Variants in POU1F1 observed in about 807,000 individuals in gnomAD.
The protein encoded by POU1F1 is POU class 1 homeobox 1, also known as pituitary-specific positive transcription factor 1.
POU1F1 carries 23 observed loss-of-function variants against 32.3 expected under a neutral mutation model. The ratio of observed to expected loss-of-function variants is 0.71; its 90% CI spans 0.51 to 1.01. The LOEUF (loss-of-function observed/expected upper bound fraction) is 1.01, where lower values mean the gene tolerates loss of function less well. POU1F1 is among the 50% of genes least tolerant of loss of function. The probability of loss-of-function intolerance (pLI) is 0.00; values close to 1 mark genes in which losing one functional copy is unlikely to be tolerated. For synonymous variants in POU1F1, 120 were observed against 115.6 expected, an observed-to-expected ratio of 1.04 and a Z score of -0.25; for missense variants, 323 against 341.6, an observed-to-expected ratio of 0.95 and a Z score of 0.43.
At chr3:87,268,727 C>A (rs1401460202) in intron 2 of POU1F1, among the ~76,000 whole-genome samples, 3 of 152,066 alleles carry the variant, frequency 2.0e-5, no homozygotes, top group African/African-American at 4.8e-5. Context: ...TATCTTGAGG[C>A]CTGGACAGCA....
At chr3:87,265,458 G>A (rs1706601771) in intron 2 of POU1F1, among the ~76,000 whole-genome samples, 1 of 151,996 alleles carries the variant, frequency 6.6e-6, no homozygotes, top group African/African-American at 2.4e-5. Flanking sequence ...AAGTATAGGT[G>A]AGAGGACAGT....
chr3:87,272,093 C>G (rs1356910838), intron 2 of POU1F1, among the ~76,000 whole-genome samples: 1 of 147,298 alleles, frequency 6.8e-6, no homozygotes, highest in Non-Finnish European at 1.5e-5. Context: ...TTTTTTTTTA[C>G]TGCTTATCTG....
At chr3:87,273,857 T>C (rs1706774481) in intron 1 of POU1F1, among the ~76,000 whole-genome samples, 2 of 152,306 alleles carry the variant, frequency 1.3e-5, no homozygotes, top group South Asian at 4.1e-4. Flanking sequence ...TTGTGTTGCA[T>C]GGTATTATAA....
At position 87,259,764 on chromosome 3, in the gene POU1F1, T is replaced by A; in HGVS notation, c.*130A>T. Reference sequence around the variant, plus strand: ...TTGGTTTCTTTTTTTTAAAAAAAAGTGGAAAAGTAAAGCTTCTGTAAAAGC... The same window carrying A: ...TTGGTTTCTTTTTTTTAAAAAAAAGAGGAAAAGTAAAGCTTCTGTAAAAGC... On this transcript the variant is annotated 3_prime_UTR_variant, in exon 6 of 6. Transcript: ENST00000350375. 4.1e-6 allele frequency: 3 copies of A among 736,510 alleles called. No individual in the cohort carries two copies. The highest frequency in any genetic ancestry group is 4.4e-6 in the Non-Finnish European group (2 of 449,586). The allele number at this position is 736,510 out of a possible 1,614,324, so 45.6% of individuals were successfully genotyped here. A position where few individuals can be genotyped will look rare whatever the true frequency, so the allele number is the denominator to read the frequency against.
chr3:87,276,094 C>G (rs941435444), intron 1 of POU1F1, among the ~76,000 whole-genome samples: 1 of 152,088 alleles, frequency 6.6e-6, no homozygotes, highest in African/African-American at 2.4e-5. Context: ...TTCTTCCTTA[C>G]AACAAAGCCA....
chr3:87,276,216 G>T (rs908526632), intron 1 of POU1F1, 105 bp downstream of exon 1: 10 of 1,382,276 alleles, frequency 7.2e-6, no homozygotes, highest in Admixed American at 6.8e-5. Flanking sequence ...TAAATTGGAG[G>T]GGTAAAATGA....
At chr3:87,261,940 T>C in intron 4 of POU1F1, 131 bp downstream of exon 4, 1 of 1,089,592 alleles carries the variant, frequency 9.2e-7, no homozygotes. Flanking sequence ...ACAAAATGTT[T>C]ATTTTTCATC....
intron 2 of POU1F1, among the ~76,000 whole-genome samples, chr3:87,265,810 T>C (rs1317665214): frequency 6.6e-6 from 1 of 151,962 alleles, no homozygotes; most frequent in Non-Finnish European, 1.5e-5. Context: ...TACTACACCA[T>C]TTTATACCAG....
chr3:87,266,221 AT>A (rs1356685362), intron 2 of POU1F1, among the ~76,000 whole-genome samples: 7 of 146,202 alleles, frequency 4.8e-5, no homozygotes, highest in African/African-American at 1.5e-4. Context: ...GTAGTTATTT[AT>A]TTAATTTAAT....
rs141380668 is a variant in POU1F1 at position 87,267,756 on chromosome 3, C to T, written c.215-3244G>A. On this transcript the variant is annotated intron_variant, in intron 2 of 5. Coordinates refer to ENST00000350375, the MANE Select transcript of POU1F1 (RefSeq NM_000306.4). ...CTAAGTAGAATCTACAGGCATGCAC[C>T]GCCATGCTCATCTACTTTTTTAAAT... Among the ~76,000 whole-genome samples, 517 of 152,180 alleles carry T rather than the reference C, an allele frequency of 3.4e-3. 13 individuals carry two copies. The highest frequency in any genetic ancestry group is 0.03 in the Admixed American group (450 of 15,250).
At chr3:87,268,118 C>T (rs1312936349) in intron 2 of POU1F1, among the ~76,000 whole-genome samples, 3 of 127,596 alleles carry the variant, frequency 2.4e-5, no homozygotes, top group East Asian at 2.3e-4. Flanking sequence ...CACAGCGTCT[C>T]GCTCTTGTTC....
chr3:87,275,546 T>C (rs1706810925), intron 1 of POU1F1, among the ~76,000 whole-genome samples: 1 of 152,078 alleles, frequency 6.6e-6, no homozygotes, highest in African/African-American at 2.4e-5. Flanking sequence ...CAAGTCTTTC[T>C]CCATTTGTAA....
At chr3:87,276,287 C>T (rs377439726) in intron 1 of POU1F1, 34 bp downstream of exon 1, 72 of 1,606,888 alleles carry the variant, frequency 4.5e-5, no homozygotes, top group Non-Finnish European at 5.9e-5. Flanking sequence ...ATATTTAGGC[C>T]CGGTCATATG....
At position 87,259,781 on chromosome 3, in the gene POU1F1, T is replaced by C; in HGVS notation, c.*113A>G. On this transcript the variant is annotated 3_prime_UTR_variant, in exon 6 of 6. Coordinates refer to ENST00000350375, the MANE Select transcript of POU1F1 (RefSeq NM_000306.4). Reference sequence around the variant, plus strand: ...AAAAAAAGTGGAAAAGTAAAGCTTCTGTAAAAGCTATTGATATAAAATGAT... The same window carrying C: ...AAAAAAAGTGGAAAAGTAAAGCTTCCGTAAAAGCTATTGATATAAAATGAT... 1 of 855,678 alleles carries C rather than the reference T, an allele frequency of 1.2e-6. No homozygotes were observed. The highest frequency in any genetic ancestry group is 1.7e-5 in the African/African-American group (1 of 57,952). The allele number at this position is 855,678 out of a possible 1,614,324, so 53.0% of individuals were successfully genotyped here. A position where few individuals can be genotyped will look rare whatever the true frequency, so the allele number is the denominator to read the frequency against.
intron 3 of POU1F1, among the ~76,000 whole-genome samples, chr3:87,263,755 T>C (rs1400820307): frequency 2.6e-5 from 4 of 152,012 alleles, no homozygotes; most frequent in Non-Finnish European, 5.9e-5. Flanking sequence ...AATTGCAGTA[T>C]ATTCATAAAG....
At chr3:87,265,230 A>G (rs1396059746) in intron 2 of POU1F1, among the ~76,000 whole-genome samples, 1 of 152,208 alleles carries the variant, frequency 6.6e-6, no homozygotes, top group East Asian at 1.9e-4. Flanking sequence ...AATATACAAT[A>G]TAATAGAATA....
intron 2 of POU1F1, among the ~76,000 whole-genome samples, chr3:87,272,011 TAATTAA>T (rs1471123643): frequency 6.6e-6 from 1 of 152,058 alleles, no homozygotes; most frequent in Non-Finnish European, 1.5e-5. Context: ...TTAAACAATT[TAATTAA>T]AATTAAACTA....
intron 2 of POU1F1, among the ~76,000 whole-genome samples, chr3:87,266,539 G>T (rs2106932959): frequency 6.6e-6 from 1 of 151,332 alleles, no homozygotes; most frequent in Admixed American, 6.6e-5. Flanking sequence ...AATTATTTTT[G>T]TCTTTAAAAA....
At position 87,261,316 on chromosome 3, in the gene POU1F1, CT is replaced by C. The variant is rs2106927095; in HGVS notation, c.621del (p.Val208TrpfsTer14). 1.3e-6 allele frequency: 2 copies of C among 1,593,164 alleles called. No homozygotes were observed. The highest frequency in any genetic ancestry group is 8.6e-7 in the Non-Finnish European group (1 of 1,165,188). On this transcript the variant is annotated frameshift_variant, in exon 5 of 6. Coordinates refer to ENST00000350375, the MANE Select transcript of POU1F1 (RefSeq NM_000306.4). LOFTEE classifies it high-confidence loss of function. Reference protein sequence around the residue: ...AEQVGALYNEKVGANERKRKR... With the variant: ...AEQVGALYNEXVGANERKRKR... ...TTTCTTTTCCTTTCATTTGCTCCCA[CT>C]TTTTCATTGTACAAAGCTATAATGT...
Sources: gnomAD v4.1 joint callset for allele counts (sites outside exome capture counted in the v4.1 genomes callset) on GRCh38, gnomAD v4.1.1 for gene constraint, MANE v1.5 for transcripts, NCBI Gene and HGNC (gene_info 2026-07-23, HGNC 2026-07-21) for gene names.